The following PLCB1 variants were observed in gnomAD, a reference collection of about 807,000 sequenced individuals.
The protein encoded by PLCB1 is phospholipase C beta 1.
Under a neutral mutation model 161.8 loss-of-function variants are expected in PLCB1, and 46 were observed. The ratio of observed to expected loss-of-function variants is 0.28; its 90% CI spans 0.22 to 0.36. The LOEUF (loss-of-function observed/expected upper bound fraction) is 0.36, where lower values mean the gene tolerates loss of function less well. PLCB1 is among the 10% of genes least tolerant of loss of function. The probability of loss-of-function intolerance (pLI) is 1.00; values close to 1 mark genes in which losing one functional copy is unlikely to be tolerated. For synonymous variants in PLCB1, 517 were observed against 503.7 expected, an observed-to-expected ratio of 1.03 and a Z score of -0.35; for missense variants, 1,016 against 1,472.5, an observed-to-expected ratio of 0.69 and a Z score of 5.07.
At chr20:8,536,844 A>G (rs529434809) in intron 3 of PLCB1, among the ~76,000 whole-genome samples, 1 of 152,316 alleles carries the variant, frequency 6.6e-6, no homozygotes, top group East Asian at 1.9e-4. Flanking sequence ...GCATGGGGGA[A>G]TATCATACAG....
At chr20:8,489,766 G>C (rs557612098) in intron 3 of PLCB1, among the ~76,000 whole-genome samples, 1 of 152,304 alleles carries the variant, frequency 6.6e-6, no homozygotes, top group African/African-American at 2.4e-5. Flanking sequence ...CTTCTTGGAA[G>C]TACTGACTTG....
At chr20:8,322,269 T>C (rs1467639145) in intron 2 of PLCB1, among the ~76,000 whole-genome samples, 1 of 152,164 alleles carries the variant, frequency 6.6e-6, no homozygotes. Context: ...GGGAGGACTT[T>C]ATAGAAGACA....
intron 2 of PLCB1, among the ~76,000 whole-genome samples, chr20:8,191,834 G>A (rs1289341184): frequency 6.6e-6 from 1 of 151,938 alleles, no homozygotes; most frequent in African/African-American, 2.4e-5. Flanking sequence ...CAATGCTCAG[G>A]TGTCTTGTTT....
At chr20:8,362,777 T>C (rs1407822273) in intron 2 of PLCB1, among the ~76,000 whole-genome samples, 3 of 152,246 alleles carry the variant, frequency 2.0e-5, no homozygotes, top group Non-Finnish European at 4.4e-5. Context: ...TTATTTATCA[T>C]GATTATTTTT....
intron 9 of PLCB1, among the ~76,000 whole-genome samples, chr20:8,684,235 TA>T (rs897248180): frequency 2.8e-5 from 4 of 144,424 alleles, no homozygotes; most frequent in Non-Finnish European, 3.1e-5. Context: ...GTAAATTATT[TA>T]TTTATTTATT....
intron 2 of PLCB1, among the ~76,000 whole-genome samples, chr20:8,366,807 A>C (rs926903631): frequency 2.0e-5 from 3 of 152,174 alleles, no homozygotes; most frequent in African/African-American, 4.8e-5. Flanking sequence ...CTTTTAGTAC[A>C]TGCCTCCTTT....
intron 3 of PLCB1, among the ~76,000 whole-genome samples, chr20:8,514,681 T>C (rs1181418777): frequency 1.3e-5 from 2 of 152,162 alleles, no homozygotes; most frequent in Non-Finnish European, 1.5e-5. Flanking sequence ...TTAGTACTTT[T>C]TCTACCCTAA....
At chr20:8,369,471 A>ATGTCTGGT (rs370668385) in intron 2 of PLCB1, among the ~76,000 whole-genome samples, 89 of 152,238 alleles carry the variant, frequency 5.8e-4, no homozygotes, top group African/African-American at 2.0e-3. Context: ...TGACTTACTC[A>ATGTCTGGT]TGTCTGGTTT....
At position 8,757,129 on chromosome 20, in the gene PLCB1, C is replaced by T; in HGVS notation, c.2607C>T (p.Thr869=). The T allele has an allele frequency of 6.2e-7, 1 of 1,613,422 alleles. No individual in the cohort carries two copies. ...AAAATGGGGTGAATCACACTACAAC[C>T]CTGACACCCAAGCCACCCTCCCAGG... is the stretch of plus-strand genomic sequence containing the variant. ...PAENGVNHTT[T]LTPKPPSQAL... is the part of the protein sequence containing the mutation. The change falls in exon 24 of 32, where the codon ACC becomes ACT. Residue 869 remains threonine, a synonymous_variant. Transcript: ENST00000338037.
chr20:8,356,780 G>A (rs1053129932), intron 2 of PLCB1, among the ~76,000 whole-genome samples: 3 of 152,088 alleles, frequency 2.0e-5, no homozygotes, highest in East Asian at 3.8e-4. Flanking sequence ...TTTACGATGG[G>A]GCCTATAAGG....
chr20:8,153,796 G>A (rs2051532548), intron 2 of PLCB1, among the ~76,000 whole-genome samples: 1 of 152,108 alleles, frequency 6.6e-6, no homozygotes, highest in Non-Finnish European at 1.5e-5. Flanking sequence ...ACTGGAGCTT[G>A]GGGGAAGGGA....
At chr20:8,695,241 T>G (rs1284327207) in intron 10 of PLCB1, among the ~76,000 whole-genome samples, 2 of 152,210 alleles carry the variant, frequency 1.3e-5, no homozygotes, top group East Asian at 3.8e-4. Context: ...CATCCTTTTG[T>G]TATGCTGGTG....
At chr20:8,760,175 G>A (rs2064285) in intron 24 of PLCB1, among the ~76,000 whole-genome samples, 2 of 152,110 alleles carry the variant, frequency 1.3e-5, no homozygotes, top group African/African-American at 4.8e-5. Context: ...AAAGTGCCGG[G>A]ATTACAGGAA....
intron 2 of PLCB1, among the ~76,000 whole-genome samples, chr20:8,269,298 T>C (rs1274177096): frequency 6.6e-6 from 1 of 152,076 alleles, no homozygotes; most frequent in African/African-American, 2.4e-5. Context: ...TGTGTTCTCA[T>C]TGTTCAACTC....
chr20:8,568,880 A>G (rs1037162991), intron 3 of PLCB1, among the ~76,000 whole-genome samples: 1 of 152,198 alleles, frequency 6.6e-6, no homozygotes, highest in African/African-American at 2.4e-5. Context: ...AGAGAAGGAA[A>G]GGCAGCAAGG....
Position 8,132,422 on chromosome 20 carries a change from C to G in PLCB1, c.-230C>G, listed in dbSNP as rs1437937912. ...CTCCTCATCCACCGCGGGCTCCAGA[C>G]CTCGCGTCCCGCCCGGGGCATGGCC... On this transcript the variant is annotated 5_prime_UTR_variant, in exon 1 of 32. Coordinates refer to ENST00000338037, the MANE Select transcript of PLCB1 (RefSeq NM_015192.4). The surrounding 1 kb of genome is among the most constrained non-coding windows in gnomAD (Gnocchi z 5.2). The G allele has an allele frequency of 3.3e-6, 1 of 301,756 alleles. No individual in the cohort carries two copies. Among genetic ancestry groups the G allele is most frequent in the Non-Finnish European group, 6.1e-6 (1 of 164,758 alleles). The allele number at this position is 301,756 out of a possible 1,614,324, so 18.7% of individuals were successfully genotyped here.
intron 23 of PLCB1, among the ~76,000 whole-genome samples, chr20:8,746,665 A>C (rs912752757): frequency 2.6e-5 from 4 of 152,052 alleles, no homozygotes; most frequent in African/African-American, 7.2e-5. Context: ...TACTGTATTC[A>C]CTCACTTAAG....
chr20:8,190,048 T>G (rs1435784878), intron 2 of PLCB1, among the ~76,000 whole-genome samples: 1 of 152,114 alleles, frequency 6.6e-6, no homozygotes, highest in Non-Finnish European at 1.5e-5. Context: ...TTGATTTTCT[T>G]TACCCCATCC....
chr20:8,250,664 A>G (rs1981093014), intron 2 of PLCB1, among the ~76,000 whole-genome samples: 1 of 151,940 alleles, frequency 6.6e-6, no homozygotes, highest in Admixed American at 6.6e-5. Flanking sequence ...AGTGCATTTA[A>G]TCTTCCTTTC....
Sources: gnomAD v4.1 joint callset for allele counts (sites outside exome capture counted in the v4.1 genomes callset) on GRCh38, gnomAD v4.1.1 for gene constraint, Gnocchi (gnomAD v3.1) non-coding constraint, MANE v1.5 for transcripts, NCBI Gene and HGNC (gene_info 2026-07-23, HGNC 2026-07-21) for gene names.